PCDHA1: variants seen among roughly 807,000 people sequenced by gnomAD.
The protein encoded by PCDHA1 is protocadherin alpha 1.
A neutral mutation model predicts 61.3 loss-of-function variants in PCDHA1; 42 were observed. The observed-to-expected ratio is 0.69, with a 90% CI of 0.54 to 0.89. The LOEUF is 0.89. Ranked by LOEUF, PCDHA1 falls within the 40% of genes least tolerant of loss-of-function variation. The pLI is 0.00. For missense variants in PCDHA1, 1,256 were observed against 1,235.3 expected (o/e 1.02, Z -0.25); for synonymous variants, 610 against 553.8 (o/e 1.10, Z -1.43).
intron 1 of PCDHA1, chr5:140,827,870 T>A: frequency 1.6e-6 from 1 of 629,348 alleles, no homozygotes; most frequent in Non-Finnish European, 2.7e-6. Flanking sequence ...GGTATAGCAC[T>A]GTTACGTGAA....
intron 3 of PCDHA1, among the ~76,000 whole-genome samples, chr5:140,987,196 AGAGT>A (rs2097234784): frequency 6.6e-6 from 1 of 151,568 alleles, no homozygotes; most frequent in Non-Finnish European, 1.5e-5. Flanking sequence ...CCTGGGTGAC[AGAGT>A]GAGACTCCAT....
At chr5:140,855,056 G>C (rs1045590902) in intron 1 of PCDHA1, among the ~76,000 whole-genome samples, 1 of 149,630 alleles carries the variant, frequency 6.7e-6, no homozygotes, top group Non-Finnish European at 1.5e-5. Flanking sequence ...GTACTTTTCT[G>C]TTTTCTTAAA....
intron 1 of PCDHA1, chr5:140,804,792 T>G (rs1004818648): frequency 6.7e-5 from 19 of 281,534 alleles, no homozygotes; most frequent in Non-Finnish European, 1.1e-4. Context: ...TCCCTACCAC[T>G]GGAGAGAAAT....
Position 140,910,416 on chromosome 5 carries a change from A to G in PCDHA1, c.2395-68533A>G, listed in dbSNP as rs191093101. Among the ~76,000 whole-genome samples, 67 of 152,280 alleles carry G rather than the reference A, an allele frequency of 4.4e-4. No individual in the cohort carries two copies. In the East Asian group the frequency reaches 0.013, roughly 28 times the overall value. ...CTGGCCCCTGCCACCTCGAGATCCAATTATTCCCATTGCATTTAAGTTTTG... is the reference window on the plus strand; with the variant it reads ...CTGGCCCCTGCCACCTCGAGATCCAGTTATTCCCATTGCATTTAAGTTTTG... On this transcript the variant is annotated intron_variant, in intron 1 of 3. Coordinates refer to ENST00000504120, the MANE Select transcript of PCDHA1 (RefSeq NM_018900.4).
chr5:140,842,064 A>G lies in PCDHA1; in HGVS notation c.2394+53380A>G, dbSNP rs200994582. 183 of 1,613,874 alleles carry G rather than the reference A, an allele frequency of 1.1e-4. 1 individual carries two copies. The highest frequency in any genetic ancestry group is 6.6e-4 in the Middle Eastern group (4 of 6,062). On this transcript the variant is annotated intron_variant, in intron 1 of 3. Coordinates refer to ENST00000504120, the MANE Select transcript of PCDHA1 (RefSeq NM_018900.4). The stretch of plus-strand genomic sequence containing the variant: ...CCCACTTTCGAACAGTCTGAATACG[A>G]AGTAAGAATATTCGAAAACGCAGAC...
chr5:140,870,678 G>C (rs1304914174), intron 1 of PCDHA1: 1 of 1,612,626 alleles, frequency 6.2e-7, no homozygotes, highest in African/African-American at 1.3e-5. Context: ...TGGACCACGA[G>C]GAGCTGGAGC....
At chr5:140,859,226 A>G (rs190980812) in intron 1 of PCDHA1, 1 of 149,940 alleles carries the variant, frequency 6.7e-6, no homozygotes, top group East Asian at 1.9e-4. Flanking sequence ...ACTTTAAGGA[A>G]GGAGTCATGC....
chr5:140,913,448 G>A (rs185287281), intron 1 of PCDHA1, among the ~76,000 whole-genome samples: 8 of 152,012 alleles, frequency 5.3e-5, no homozygotes, highest in African/African-American at 1.2e-4. Flanking sequence ...TTTCAGCTCC[G>A]ATTTTATTTA....
Position 140,849,743 on chromosome 5 carries a change from G to C in PCDHA1, c.2394+61059G>C. The C allele has an allele frequency of 1.9e-6, 3 of 1,598,504 alleles. No individual in the cohort carries two copies. The highest frequency in any genetic ancestry group is 2.6e-6 in the Non-Finnish European group (3 of 1,168,014). On this transcript the variant is annotated intron_variant, in intron 1 of 3. Transcript: ENST00000504120. ...TGCTGGACAGAGCTCTGGACCGCGA[G>C]AGTGTGTCCGCCTACGAGCTGGTGG...
chr5:140,798,679 A>C (rs1213133616), intron 1 of PCDHA1, among the ~76,000 whole-genome samples: 5 of 152,204 alleles, frequency 3.3e-5, no homozygotes, highest in Non-Finnish European at 5.9e-5. Context: ...TCCTAATGAA[A>C]TTGGAATTTT....
At chr5:140,940,547 C>G (rs1256617271) in intron 1 of PCDHA1, among the ~76,000 whole-genome samples, 1 of 152,018 alleles carries the variant, frequency 6.6e-6, no homozygotes, top group Admixed American at 6.6e-5. Flanking sequence ...TTCCTGGGCT[C>G]AAGTGATTCT....
intron 1 of PCDHA1, chr5:140,850,407 G>A (rs2150482736): frequency 6.3e-7 from 1 of 1,597,938 alleles, no homozygotes; most frequent in Admixed American, 1.7e-5. Flanking sequence ...GCGTGCCCTG[G>A]ACGAAACGGA....
intron 1 of PCDHA1, among the ~76,000 whole-genome samples, chr5:140,972,660 ATTTTTTT>A (rs11350929): frequency 8.5e-6 from 1 of 117,268 alleles, no homozygotes; most frequent in Admixed American, 9.2e-5. Flanking sequence ...AAGAAACCAA[ATTTTTTT>A]TTTTTTTTTT....
intron 1 of PCDHA1, among the ~76,000 whole-genome samples, chr5:140,954,141 T>C (rs1344784554): frequency 2.0e-5 from 3 of 152,208 alleles, no homozygotes; most frequent in Non-Finnish European, 4.4e-5. Flanking sequence ...TGCATAGTAT[T>C]CCATGGTGTA....
chr5:140,857,296 G>C (rs2044488261), intron 1 of PCDHA1: 3 of 1,598,562 alleles, frequency 1.9e-6, no homozygotes, highest in Admixed American at 3.4e-5. Flanking sequence ...ACCGCGAGAG[G>C]GTGTCGGCCT....
chr5:140,788,776 A>G (rs1009965987), intron 1 of PCDHA1, 92 bp downstream of exon 1: 3 of 1,449,618 alleles, frequency 2.1e-6, no homozygotes, highest in South Asian at 1.5e-5. Context: ...AAATGTCTTC[A>G]AGGTGTTCAC....
intron 1 of PCDHA1, chr5:140,876,687 C>CA (rs2056504367): frequency 1.2e-6 from 2 of 1,614,212 alleles, no homozygotes; most frequent in Non-Finnish European, 1.7e-6. Context: ...AGAATTACTA[C>CA]TCGTTGGTGC....
At chr5:140,876,480 C>T (rs368324550) in intron 1 of PCDHA1, 10 of 1,613,874 alleles carry the variant, frequency 6.2e-6, no homozygotes, top group Non-Finnish European at 8.5e-6. Context: ...ACAGCATGGT[C>T]CTGGTGGAAG....
intron 1 of PCDHA1, chr5:140,842,783 G>C (rs2150344113): frequency 1.3e-6 from 2 of 1,594,544 alleles, no homozygotes; most frequent in Non-Finnish European, 1.7e-6. Context: ...GCAGGAGAAC[G>C]CGCTGGTGTC....
Sources: allele counts gnomAD v4.1 joint callset (sites outside exome capture counted in the v4.1 genomes callset), GRCh38; gene constraint gnomAD v4.1.1; transcripts MANE v1.5; gene names NCBI Gene and HGNC (gene_info 2026-07-23, HGNC 2026-07-21).